The following SH2D1A variants were observed in gnomAD, a reference collection of about 807,000 sequenced individuals.
The protein encoded by SH2D1A is SH2 domain-containing protein 1A.
A neutral mutation model predicts 10.1 loss-of-function variants in SH2D1A; 6 were observed. That is an observed-to-expected ratio of 0.60 (90% CI 0.33 to 1.18). The LOEUF (loss-of-function observed/expected upper bound fraction) is 1.18. Among genes scored for constraint, SH2D1A ranks in the 50% most tolerant of loss-of-function variants. The pLI is 0.04. For synonymous variants in SH2D1A, 42 were observed against 36.9 expected (o/e 1.14, Z -0.51); for missense variants, 51 against 97.6 (o/e 0.52, Z 2.01).
At position 124,372,284 on chromosome X, in the gene SH2D1A, C is replaced by T. The variant is rs1243405080; in HGVS notation, c.*893C>T. 2 of 166,364 alleles carry T rather than the reference C, an allele frequency of 1.2e-5. No homozygotes were observed. Among genetic ancestry groups the T allele is most frequent in the African/African-American group, 3.0e-5 (1 of 33,281 alleles). The allele number at this position is 166,364 out of a possible 1,213,427, so 13.7% of individuals were successfully genotyped here. ...AAATTCCAAGTGATTGAAACCTACACGAGATACAGAATTTTATGCGGCATT... is the reference window on the plus strand; with the variant it reads ...AAATTCCAAGTGATTGAAACCTACATGAGATACAGAATTTTATGCGGCATT... On this transcript the variant is annotated 3_prime_UTR_variant, in exon 4 of 4. Transcript: ENST00000371139.
chrX:124,364,863 C>G (rs1182662819), intron 1 of SH2D1A, among the ~76,000 whole-genome samples: 1 of 111,559 alleles, frequency 9.0e-6, no homozygotes. Flanking sequence ...ACCACTCACT[C>G]ATTGACTCAC....
intron 1 of SH2D1A, among the ~76,000 whole-genome samples, chrX:124,358,186 C>T (rs1336020995): frequency 2.7e-5 from 3 of 111,112 alleles, no homozygotes; most frequent in African/African-American, 9.8e-5. Context: ...TGGGGTTATA[C>T]CCAAAAACAA....
intron 1 of SH2D1A, among the ~76,000 whole-genome samples, chrX:124,352,189 G>T (rs1167809441): frequency 1.8e-5 from 2 of 110,660 alleles, no homozygotes; most frequent in African/African-American, 3.3e-5. Flanking sequence ...GTGGATAAAA[G>T]ATCTAATTTG....
chrX:124,349,621 G>A (rs1405158410), intron 1 of SH2D1A, among the ~76,000 whole-genome samples: 2 of 111,122 alleles, frequency 1.8e-5, no homozygotes, highest in Non-Finnish European at 3.8e-5. Context: ...TTATTGTAGA[G>A]ATAATACATT....
At chrX:124,370,079 C>A in intron 2 of SH2D1A, 97 bp from the exon 3 acceptor site, 1 of 640,434 alleles carries the variant, frequency 1.6e-6, no homozygotes, top group Non-Finnish European at 2.6e-6. Context: ...ACAAGTTACA[C>A]AAATGTTACT....
At chrX:124,346,896 G>GC (rs2059994531) in intron 1 of SH2D1A, 117 bp downstream of exon 1, 1 of 867,880 alleles carries the variant, frequency 1.2e-6, no homozygotes, top group African/African-American at 1.9e-5. Flanking sequence ...GCTCGCCGAC[G>GC]CCTCCTCCGT....
At chrX:124,353,203 C>A (rs765293134) in intron 1 of SH2D1A, 1 of 157,196 alleles carries the variant, frequency 6.4e-6, no homozygotes, top group South Asian at 1.2e-4. Flanking sequence ...AATGAATTGT[C>A]ATCTTTAAAT....
At chrX:124,346,850 T>C in intron 1 of SH2D1A, 71 bp downstream of exon 1, 6 of 1,167,933 alleles carry the variant, frequency 5.1e-6, no homozygotes, top group Non-Finnish European at 7.0e-6. Context: ...GGGGCCAGGG[T>C]GGAGGCCGAG....
chrX:124,361,526 G>C (rs1309810927), intron 1 of SH2D1A, among the ~76,000 whole-genome samples: 1 of 111,722 alleles, frequency 9.0e-6, no homozygotes, highest in Non-Finnish European at 1.9e-5. Context: ...AGAGGCTGGA[G>C]GAGTTTTAAG....
intron 2 of SH2D1A, among the ~76,000 whole-genome samples, chrX:124,368,187 G>A (rs1427266741): frequency 9.0e-6 from 1 of 111,093 alleles, no homozygotes; most frequent in Non-Finnish European, 1.9e-5. Context: ...TCACTCTGTC[G>A]CTCAGGCTGG....
chrX:124,365,528 A>G, intron 1 of SH2D1A, among the ~76,000 whole-genome samples: 1 of 111,082 alleles, frequency 9.0e-6, no homozygotes, highest in East Asian at 2.8e-4. Flanking sequence ...TAGGAGCATG[A>G]ATTTCCATAT....
intron 1 of SH2D1A, chrX:124,364,468 T>G (rs1163588181): frequency 3.9e-6 from 1 of 255,405 alleles, no homozygotes; most frequent in Non-Finnish European, 7.2e-6. Context: ...GTTTATAAAG[T>G]AAAAGAGTTG....
In SH2D1A at chrX:124,363,792, G is replaced by T. The variant is rs1038961370; in HGVS notation, c.138-1969G>T. On this transcript the variant is annotated intron_variant, in intron 1 of 3. Coordinates refer to ENST00000371139, the MANE Select transcript of SH2D1A (RefSeq NM_002351.5). Reference sequence around the variant, plus strand: ...ACCTGTAGCCTCAGCTACTCGGGAGGCTGAAACAGAATTGCTTGAACCCGG... The same window carrying T: ...ACCTGTAGCCTCAGCTACTCGGGAGTCTGAAACAGAATTGCTTGAACCCGG... Among the ~76,000 whole-genome samples the T allele has an allele frequency of 7.6e-5, 8 of 105,002 alleles. No individual in the cohort carries two copies. In the South Asian group the frequency reaches 1.3e-3, roughly 18 times the overall value. The allele number at this position is 105,002 out of a possible 115,157, so 91.2% of individuals were successfully genotyped here.
chrX:124,365,344 G>A (rs1377872468), intron 1 of SH2D1A, among the ~76,000 whole-genome samples: 3 of 109,531 alleles, frequency 2.7e-5, no homozygotes. Flanking sequence ...TTATTTATGT[G>A]GGCCTGATAG....
intron 1 of SH2D1A, among the ~76,000 whole-genome samples, chrX:124,356,592 T>G (rs2060027116): frequency 1.8e-5 from 2 of 111,704 alleles, no homozygotes; most frequent in Admixed American, 1.9e-4. Flanking sequence ...GGATTACAGG[T>G]GCGTGCCACC....
At position 124,372,477 on chromosome X, in the gene SH2D1A, A is replaced by G. The variant is rs1444695589; in HGVS notation, c.*1086A>G. The stretch of plus-strand genomic sequence containing the variant: ...CACTGTCTTGTTGGACGAGAAAACA[A>G]TAACGATAAAAGACAGTGAAAGAAA... On this transcript the variant is annotated 3_prime_UTR_variant, in exon 4 of 4. Transcript: ENST00000371139. 5.8e-6 allele frequency: 1 copy of G among 171,875 alleles called. No individual in the cohort carries two copies. The highest frequency in any genetic ancestry group is 8.2e-5 in the East Asian group (1 of 12,187). 14.2% of individuals were successfully genotyped at this position (171,875 alleles called of 1,213,427 possible).
chrX:124,357,143 C>T (rs896996234), intron 1 of SH2D1A, among the ~76,000 whole-genome samples: 1 of 111,667 alleles, frequency 9.0e-6, no homozygotes, highest in African/African-American at 3.3e-5. Context: ...CCACCCTGCA[C>T]GCCCCTACGA....
At chrX:124,361,155 A>AGAGGTCTC (rs1465466780) in intron 1 of SH2D1A, among the ~76,000 whole-genome samples, 2 of 111,758 alleles carry the variant, frequency 1.8e-5, no homozygotes, top group Admixed American at 9.5e-5. Flanking sequence ...TCTAGGAGGT[A>AGAGGTCTC]ATTAATGATA....
intron 1 of SH2D1A, among the ~76,000 whole-genome samples, chrX:124,364,733 C>T (rs778017094): frequency 8.1e-5 from 9 of 110,735 alleles, no homozygotes; most frequent in Non-Finnish European, 1.1e-4. Flanking sequence ...AGGATGGTCT[C>T]GATCTCCTGA....
Sources: gnomAD v4.1 joint callset for allele counts (sites outside exome capture counted in the v4.1 genomes callset) on GRCh38, gnomAD v4.1.1 for gene constraint, MANE v1.5 for transcripts, NCBI Gene and HGNC (gene_info 2026-07-23, HGNC 2026-07-21) for gene names.